FARP1: variants seen among roughly 807,000 people sequenced by gnomAD.
FARP1 encodes the protein FERM, ARH/RhoGEF and pleckstrin domain protein 1.
FARP1 carries 52 observed loss-of-function variants against 128.8 expected under a neutral mutation model. The observed-to-expected ratio is 0.40, with a 90% confidence interval of 0.32 to 0.51. The LOEUF is 0.51. FARP1 is among the 20% of genes least tolerant of loss of function. The pLI is 0.45. For synonymous variants in FARP1, 580 were observed against 551.8 expected (o/e 1.05, Z -0.72); for missense variants, 1,333 against 1,367.9 (o/e 0.97, Z 0.40).
In FARP1 at chr13:98,211,134, G is replaced by T. The variant is rs184200579; in HGVS notation, c.-23-2086G>T. On this transcript the variant is annotated intron_variant, in intron 1 of 26. Coordinates refer to ENST00000319562, the MANE Select transcript of FARP1 (RefSeq NM_005766.4). ...CCTCAGTGGCTCCTGCTGCCTGCAGGGTAAAGACCATATTTTTCAGCCAGG... is the reference window on the plus strand; with the variant it reads ...CCTCAGTGGCTCCTGCTGCCTGCAGTGTAAAGACCATATTTTTCAGCCAGG... Among the ~76,000 whole-genome samples, 282 of 152,278 alleles carry T rather than the reference G, an allele frequency of 1.9e-3. 1 individual carries two copies. Among genetic ancestry groups the T allele is most frequent in the African/African-American group, 6.1e-3 (253 of 41,552 alleles).
intron 24 of FARP1, among the ~76,000 whole-genome samples, chr13:98,444,215 C>T (rs1174260085): frequency 6.6e-6 from 1 of 152,144 alleles, no homozygotes; most frequent in African/African-American, 2.4e-5. Context: ...GGACACGGCT[C>T]GTGCTGGGCT....
chr13:98,157,750 A>C (rs1876590632), intron 1 of FARP1, among the ~76,000 whole-genome samples: 1 of 152,248 alleles, frequency 6.6e-6, no homozygotes, highest in South Asian at 2.1e-4. Flanking sequence ...GTTTTTCCTC[A>C]CTTAGAGCAA....
chr13:98,406,755 G>A (rs987656605), intron 13 of FARP1: 1 of 152,346 alleles, frequency 6.6e-6, no homozygotes, highest in Non-Finnish European at 1.5e-5. Flanking sequence ...AGTGGGGATT[G>A]TTCTGAACCG....
At chr13:98,443,754 A>G (rs1892629939) in intron 24 of FARP1, among the ~76,000 whole-genome samples, 1 of 151,438 alleles carries the variant, frequency 6.6e-6, no homozygotes, top group African/African-American at 2.5e-5. Flanking sequence ...GAAGGGCCAG[A>G]GGCAAAGCAA....
chr13:98,231,235 C>G (rs1319738819), intron 2 of FARP1, among the ~76,000 whole-genome samples: 1 of 151,992 alleles, frequency 6.6e-6, no homozygotes, highest in African/African-American at 2.4e-5. Flanking sequence ...TTCGGCCAAG[C>G]TGATATTTGG....
intron 1 of FARP1, among the ~76,000 whole-genome samples, chr13:98,210,192 C>T (rs1294232723): frequency 6.6e-6 from 1 of 152,056 alleles, no homozygotes; most frequent in East Asian, 1.9e-4. Flanking sequence ...CCATTCCTTG[C>T]ACCCCAGATA....
intron 11 of FARP1, among the ~76,000 whole-genome samples, chr13:98,392,170 G>A (rs1286874473): frequency 6.6e-6 from 1 of 151,860 alleles, no homozygotes; most frequent in Non-Finnish European, 1.5e-5. Context: ...GCATATTACT[G>A]CATCCCAAAA....
chr13:98,439,832 T>G, intron 21 of FARP1, 129 bp from the exon 22 acceptor site: 1 of 661,278 alleles, frequency 1.5e-6, no homozygotes, highest in Non-Finnish European at 2.6e-6. Context: ...TCTCCCTCTG[T>G]GGGGCTCTGG....
intron 2 of FARP1, among the ~76,000 whole-genome samples, chr13:98,276,710 G>T (rs1298123014): frequency 6.6e-6 from 1 of 152,182 alleles, no homozygotes; most frequent in South Asian, 2.1e-4. Flanking sequence ...GGTTTAAATA[G>T]AAGTTAGGTT....
chr13:98,373,042 C>T (rs891723268), intron 5 of FARP1, among the ~76,000 whole-genome samples: 2 of 152,174 alleles, frequency 1.3e-5, no homozygotes, highest in Non-Finnish European at 2.9e-5. Flanking sequence ...ACCCAGGAAG[C>T]TACTTCTCAT....
chr13:98,288,092 A>T (rs538918659), intron 2 of FARP1, among the ~76,000 whole-genome samples: 2 of 151,988 alleles, frequency 1.3e-5, no homozygotes, highest in Non-Finnish European at 1.5e-5. Flanking sequence ...GAGCCTCCGT[A>T]CCCGGCCCCA....
At chr13:98,420,355 C>T (rs1039134323) in intron 16 of FARP1, among the ~76,000 whole-genome samples, 1 of 152,206 alleles carries the variant, frequency 6.6e-6, no homozygotes, top group Non-Finnish European at 1.5e-5. Context: ...ACAGTCCACC[C>T]TTGGAGGCAA....
At chr13:98,347,167 C>T (rs144692860) in intron 3 of FARP1, among the ~76,000 whole-genome samples, 59 of 152,322 alleles carry the variant, frequency 3.9e-4, no homozygotes, top group African/African-American at 1.4e-3. Flanking sequence ...TGTCTCTTAG[C>T]GTGCAACCCA....
intron 1 of FARP1, among the ~76,000 whole-genome samples, chr13:98,169,375 C>A (rs1318348783): frequency 6.6e-6 from 1 of 152,208 alleles, no homozygotes; most frequent in Non-Finnish European, 1.5e-5. Context: ...AACACATACA[C>A]CCGTAGCTTT....
Position 98,197,359 on chromosome 13 carries a change from G to A in FARP1, c.-23-15861G>A, listed in dbSNP as rs891290901. ...CGCATGCCTGTAATCCCAGCTACTC[G>A]GGAGGCTGAGGCAGGAGAATTGCTT... On this transcript the variant is annotated intron_variant, in intron 1 of 26. Coordinates refer to ENST00000319562, the MANE Select transcript of FARP1 (RefSeq NM_005766.4). Among the ~76,000 whole-genome samples the A allele has an allele frequency of 5.9e-5, 9 of 151,768 alleles. No homozygotes were observed. In the East Asian group the frequency reaches 9.9e-4, roughly 17 times the overall value.
Position 98,324,802 on chromosome 13 carries a change from C to G in FARP1, c.172-18960C>G, listed in dbSNP as rs963243184. 3.3e-5 allele frequency among the ~76,000 whole-genome samples: 5 copies of G among 152,212 alleles called. No homozygotes were observed. In the East Asian group the frequency reaches 5.8e-4, roughly 18 times the overall value. On this transcript the variant is annotated intron_variant, in intron 2 of 26. Coordinates refer to ENST00000319562, the MANE Select transcript of FARP1 (RefSeq NM_005766.4). ...CATCAGGCCCTGATGAGCTGAAGCC[C>G]CCATTCCAGGGGTCTTTGGCTGCTG... is the stretch of plus-strand genomic sequence containing the variant.
In FARP1 at chr13:98,384,753, G is replaced by A. The variant is rs753757999; in HGVS notation, c.520G>A (p.Ala174Thr). ...AGCTGAGATTGGGGATTTTGATGAA[G>A]CCTTGGACAGAGAGCACTTAGCAAA... ...VQSEIGDFDE[A>T]LDREHLAKNK... Residue 174 changes from alanine to threonine, a missense_variant, in exon 7 of 27, where the codon GCC becomes ACC. Physicochemically the swap from Ala to Thr is moderately conservative, Grantham distance 58. Coordinates refer to ENST00000319562, the MANE Select transcript of FARP1 (RefSeq NM_005766.4). The A allele has an allele frequency of 1.2e-6, 2 of 1,612,330 alleles. No homozygotes were observed. The highest frequency in any genetic ancestry group is 4.5e-5 in the East Asian group (2 of 44,878).
rs139091102 is a variant in FARP1, at chr13:98,440,038, C to T, written c.2511C>T (p.Ala837=). Residue 837 remains alanine, a synonymous_variant, in exon 22 of 27, where the codon GCC becomes GCT. Coordinates refer to ENST00000319562, the MANE Select transcript of FARP1 (RefSeq NM_005766.4). The part of the protein sequence containing the change: ...LRGQRQSIIV[A]ASSRSEMEKW... ...GCCAGCGGCAGTCCATCATCGTGGC[C>T]GCCAGGTAACTCGGGAGCCCGCCCC... 18 of 1,607,072 alleles carry T rather than the reference C, an allele frequency of 1.1e-5. No homozygotes were observed. Among genetic ancestry groups the T allele is most frequent in the African/African-American group, 9.4e-5 (7 of 74,820 alleles).
intron 3 of FARP1, among the ~76,000 whole-genome samples, chr13:98,364,114 G>A (rs1594448137): frequency 6.6e-6 from 1 of 152,172 alleles, no homozygotes; most frequent in Non-Finnish European, 1.5e-5. Context: ...TTAGGTTACT[G>A]TAAAAATGTT....
Sources: gnomAD v4.1 joint callset for allele counts (sites outside exome capture counted in the v4.1 genomes callset) on GRCh38, gnomAD v4.1.1 for gene constraint, MANE v1.5 for transcripts, NCBI Gene and HGNC (gene_info 2026-07-23, HGNC 2026-07-21) for gene names.